Variants in GLIS3 observed in about 807,000 individuals in gnomAD.
GLIS3 encodes GLIS family zinc finger 3.
A neutral mutation model predicts 78.6 loss-of-function variants in GLIS3; 53 were observed. The ratio of observed to expected loss-of-function variants is 0.67; its 90% CI spans 0.54 to 0.85. The LOEUF is 0.85. Among genes scored for constraint, GLIS3 ranks in the 40% least tolerant of loss-of-function variants. The pLI, the probability that GLIS3 is intolerant of heterozygous loss-of-function variation, is 0.00. For synonymous variants in GLIS3, 684 were observed against 509.9 expected (o/e 1.34, Z -4.60); for missense variants, 1,703 against 1,231.1 (o/e 1.38, Z -5.74).
intron 4 of GLIS3, among the ~76,000 whole-genome samples, chr9:3,987,789 C>CAAAAA (rs1819889023): frequency 1.9e-5 from 1 of 52,354 alleles, no homozygotes; most frequent in African/African-American, 7.3e-5. Context: ...AAAAAAAAAA[C>CAAAAA]AAAACACAAA....
chr9:4,336,519 C>A (rs1240120786), intron 2 of GLIS3, among the ~76,000 whole-genome samples: 1 of 148,744 alleles, frequency 6.7e-6, no homozygotes. Context: ...ATCACCCTTT[C>A]TCTTGGCATC....
rs76904545 is a variant in GLIS3, at chr9:4,258,401, C to T, written c.388+27637G>A. Among the ~76,000 whole-genome samples, 127 of 152,184 alleles carry T rather than the reference C, an allele frequency of 8.3e-4. 2 individuals carry two copies. In the East Asian group the frequency reaches 0.018, roughly 22 times the overall value. ...ATTTAGGTCATATTGGTGAGTAAGA[C>T]GGTATTGGGAAATACCTTAAAGTTC... On this transcript the variant is annotated intron_variant, in intron 2 of 10. Transcript: ENST00000381971.
At chr9:3,863,365 A>G (rs182402714) in intron 8 of GLIS3, among the ~76,000 whole-genome samples, 86 of 152,342 alleles carry the variant, frequency 5.6e-4, no homozygotes, top group African/African-American at 1.9e-3. Context: ...TGAGACAATC[A>G]AGACCAGCTT....
chr9:4,168,821 CA>C (rs1357262306), intron 2 of GLIS3, among the ~76,000 whole-genome samples: 1 of 152,112 alleles, frequency 6.6e-6, no homozygotes, highest in Non-Finnish European at 1.5e-5. Flanking sequence ...ACAGACTCCA[CA>C]AAAATAGACA....
chr9:4,447,583 T>C, the GLIS3 span, among the ~76,000 whole-genome samples: 6 of 152,262 alleles, frequency 3.9e-5, no homozygotes, highest in Admixed American at 1.3e-4. Flanking sequence ...TAAATTGAAA[T>C]TAAACTCTTC....
intron 2 of GLIS3, among the ~76,000 whole-genome samples, chr9:4,211,092 GAGCATCTGCACCATCCACACTCCACC>G (rs1478023376): frequency 1.3e-5 from 2 of 152,180 alleles, no homozygotes; most frequent in Non-Finnish European, 2.9e-5. Flanking sequence ...TAAATTCCTT[GAGCATCTGCACCATCCACACTCCACC>G]AGCATCTAGC....
At chr9:4,185,798 T>C (rs900742251) in intron 2 of GLIS3, among the ~76,000 whole-genome samples, 6 of 152,072 alleles carry the variant, frequency 3.9e-5, no homozygotes, top group African/African-American at 1.4e-4. Context: ...CTCACTCTTC[T>C]CCTTTCATTT....
intron 2 of GLIS3, among the ~76,000 whole-genome samples, chr9:4,225,499 C>A (rs1821694206): frequency 1.3e-5 from 2 of 152,150 alleles, no homozygotes; most frequent in Admixed American, 6.5e-5. Context: ...TAACGAGGAA[C>A]ATAAATGCTT....
intron 2 of GLIS3, among the ~76,000 whole-genome samples, chr9:4,278,994 C>T (rs940894527): frequency 4.6e-5 from 7 of 152,068 alleles, no homozygotes; most frequent in African/African-American, 1.7e-4. Flanking sequence ...AGACAACTCA[C>T]CTAAACTCTT....
intron 4 of GLIS3, among the ~76,000 whole-genome samples, chr9:4,100,689 G>C (rs556836157): frequency 3.9e-5 from 6 of 152,200 alleles, no homozygotes; most frequent in African/African-American, 1.4e-4. Flanking sequence ...ACAAGTAGTA[G>C]TATAGAATTA....
chr9:4,140,282 C>A (rs1437557192), intron 2 of GLIS3, among the ~76,000 whole-genome samples: 2 of 152,144 alleles, frequency 1.3e-5, no homozygotes, highest in Admixed American at 1.3e-4. Flanking sequence ...CAGGATGGCA[C>A]CACGGCACTC....
At chr9:4,463,635 G>A in the GLIS3 span, among the ~76,000 whole-genome samples, 19 of 152,044 alleles carry the variant, frequency 1.2e-4, no homozygotes, top group Admixed American at 5.2e-4. Context: ...ATTTTAACCC[G>A]AATAAACCTC....
At chr9:3,970,706 T>C (rs1818316409) in intron 4 of GLIS3, among the ~76,000 whole-genome samples, 1 of 152,220 alleles carries the variant, frequency 6.6e-6, no homozygotes, top group Non-Finnish European at 1.5e-5. Context: ...GAGATTAAGT[T>C]GATCATACAC....
chr9:3,965,873 T>C (rs144947238), intron 4 of GLIS3, among the ~76,000 whole-genome samples: 38 of 152,334 alleles, frequency 2.5e-4, no homozygotes, highest in Middle Eastern at 3.4e-3. Context: ...ACAGATACAC[T>C]ACAACCTCAC....
At chr9:4,260,618 T>C (rs1003747339) in intron 2 of GLIS3, among the ~76,000 whole-genome samples, 1 of 150,006 alleles carries the variant, frequency 6.7e-6, no homozygotes, top group African/African-American at 2.5e-5. Context: ...TGGTGGTGCA[T>C]ACCTGTAGTC....
chr9:4,206,525 A>G (rs1445351898), intron 2 of GLIS3, among the ~76,000 whole-genome samples: 1 of 152,230 alleles, frequency 6.6e-6, no homozygotes, highest in Non-Finnish European at 1.5e-5. Context: ...CACACAGCCT[A>G]TGTGCAGTGG....
intron 2 of GLIS3, among the ~76,000 whole-genome samples, chr9:4,205,536 C>G (rs1304531970): frequency 6.6e-6 from 1 of 152,152 alleles, no homozygotes; most frequent in African/African-American, 2.4e-5. Context: ...GCTTGCAGGC[C>G]TAGTGCTATA....
At chr9:4,361,127 C>A in the GLIS3 span, among the ~76,000 whole-genome samples, 4 of 152,232 alleles carry the variant, frequency 2.6e-5, no homozygotes, top group Non-Finnish European at 4.4e-5. Context: ...CCGATGCACT[C>A]ATTCCTGGGA....
intron 2 of GLIS3, among the ~76,000 whole-genome samples, chr9:4,146,946 T>G (rs942049865): frequency 6.6e-6 from 1 of 152,210 alleles, no homozygotes; most frequent in African/African-American, 2.4e-5. Context: ...ATTTCTCAAT[T>G]TGATTGTCCC....
Sources: allele counts gnomAD v4.1 joint callset (sites outside exome capture counted in the v4.1 genomes callset), GRCh38; gene constraint gnomAD v4.1.1; transcripts MANE v1.5; gene names NCBI Gene and HGNC (gene_info 2026-07-23, HGNC 2026-07-21).